KDR: variants seen among roughly 807,000 people sequenced by gnomAD.
KDR encodes the protein kinase insert domain receptor.
A neutral mutation model predicts 160.9 loss-of-function variants in KDR; 43 were observed. That is an observed-to-expected ratio of 0.27 (90% CI 0.21 to 0.34). The LOEUF is 0.34. Ranked by LOEUF, KDR falls within the 10% of genes least tolerant of loss-of-function variation. The probability of loss-of-function intolerance (pLI) is 1.00; values close to 1 mark genes in which losing one functional copy is unlikely to be tolerated. For synonymous variants in KDR, 617 were observed against 600.1 expected, an observed-to-expected ratio of 1.03 and a Z score of -0.41; for missense variants, 1,469 against 1,666.4, an observed-to-expected ratio of 0.88 and a Z score of 2.06.
At chr4:55,086,420 G>A (rs1010145274) in intron 27 of KDR, among the ~76,000 whole-genome samples, 8 of 152,132 alleles carry the variant, frequency 5.3e-5, no homozygotes, top group African/African-American at 1.9e-4. Context: ...CAGACTTGGG[G>A]GTCCTACTCA....
In KDR at chr4:55,105,848, G is replaced by C. The variant is rs150270342; in HGVS notation, c.1629C>G (p.Ile543Met). The C allele has an allele frequency of 1.9e-6, 3 of 1,608,456 alleles. No individual in the cohort carries two copies. In the African/African-American group the frequency reaches 4.0e-5, roughly 21 times the overall value. ...VNKVGRGERVISFHVTRGPEI... is the reference protein window; with the variant it reads ...VNKVGRGERVMSFHVTRGPEI... Reference sequence around the variant, plus strand: ...AGTACTTACTGGTCACGTGGAAGGAGATCACCCTCTCTCCTCTCCCGACTT... The same window carrying C: ...AGTACTTACTGGTCACGTGGAAGGACATCACCCTCTCTCCTCTCCCGACTT... Residue 543 changes from isoleucine (I) to methionine (M), a missense_variant, in exon 12 of 30, where the codon ATC becomes ATG. By Grantham distance (10) the Ile-to-Met change is conservative. Transcript: ENST00000263923.
chr4:55,112,113 C>T (rs1221549353), intron 7 of KDR, among the ~76,000 whole-genome samples: 2 of 152,150 alleles, frequency 1.3e-5, no homozygotes, highest in Non-Finnish European at 2.9e-5. Flanking sequence ...AGGTGATTTT[C>T]TCAAGGCCAG....
rs1308888714 is a variant in KDR at position 55,087,733 on chromosome 4, G to A, written c.3536C>T (p.Pro1179Leu). The A allele has an allele frequency of 4.0e-5, 64 of 1,613,974 alleles. No individual in the cohort carries two copies. Among genetic ancestry groups the A allele is most frequent in the East Asian group, 8.9e-5 (4 of 44,890 alleles). Reference protein sequence around the residue: ...QQDGKDYIVLPISETLSMEED... With the variant: ...QQDGKDYIVLLISETLSMEED... ...TTCCATGCTCAAAGTCTCTGATATC[G>A]GAAGAACAATGTAGTCTTTGCCATC... The change falls in exon 27 of 30, where the codon CCG (proline) becomes CTG (leucine). Residue 1179 changes from proline to leucine, a missense_variant. This residue lies in a region of KDR where 132 missense variants were observed against 195.9 expected (regional missense o/e 0.67). Transcript: ENST00000263923.
At chr4:55,090,879 A>C (rs956122763) in intron 22 of KDR, among the ~76,000 whole-genome samples, 2 of 125,702 alleles carry the variant, frequency 1.6e-5, no homozygotes, top group African/African-American at 6.1e-5. Context: ...TTTTTTGAGA[A>C]GGAATCTCAC....
chr4:55,125,107 G>T, intron 1 of KDR, 120 bp downstream of exon 1: 1 of 954,006 alleles, frequency 1.0e-6, no homozygotes, highest in South Asian at 1.4e-5. Flanking sequence ...ATGAAAGATC[G>T]CAAAATGTCA....
Position 55,098,687 on chromosome 4 carries a change from ATT to A in KDR, c.2373+8_2373+9del. On this transcript the variant is annotated splice_region_variant and intron_variant, in intron 16 of 29. Transcript: ENST00000263923. ...AATGTGCATGGGCAGAAGGGAAATT[ATT>A]TTTTTACCCGCTTAACGGTCCGTAG... 1 of 1,601,736 alleles carries A rather than the reference ATT, an allele frequency of 6.2e-7. No homozygotes were observed. Among genetic ancestry groups the A allele is most frequent in the Non-Finnish European group, 8.6e-7 (1 of 1,169,010 alleles).
intron 21 of KDR, among the ~76,000 whole-genome samples, chr4:55,094,158 G>A (rs545227205): frequency 6.6e-6 from 1 of 152,166 alleles, no homozygotes; most frequent in South Asian, 2.1e-4. Context: ...TCAGTGAGCC[G>A]AGATCGCACC....
At chr4:55,103,720 C>T (rs1414134115) in intron 13 of KDR, among the ~76,000 whole-genome samples, 1 of 151,978 alleles carries the variant, frequency 6.6e-6, no homozygotes, top group Non-Finnish European at 1.5e-5. Flanking sequence ...CTGATGAAGA[C>T]GTTACCCTCT....
chr4:55,080,187 G>A, intron 29 of KDR, 24 bp from the exon 30 acceptor site: 1 of 1,603,140 alleles, frequency 6.2e-7, no homozygotes, highest in Non-Finnish European at 8.5e-7. Flanking sequence ...GGCAAACAAA[G>A]GAGTTGGCAG....
rs976342802 is a variant in KDR, at chr4:55,113,167, G to A, written c.976+137C>T. 6 of 891,376 alleles carry A rather than the reference G, an allele frequency of 6.7e-6. No homozygotes were observed. In the Admixed American group the frequency reaches 7.9e-5, roughly 12 times the overall value. 55.2% of individuals were successfully genotyped at this position (891,376 alleles called of 1,614,324 possible). A position where few individuals can be genotyped will look rare whatever the true frequency, so the allele number is the denominator to read the frequency against. ...TACAAAGCTATGCTCTTGACCTCTAGGTCATGTGGCCTCCCTAACAAGAAA... is the reference window on the plus strand; with the variant it reads ...TACAAAGCTATGCTCTTGACCTCTAAGTCATGTGGCCTCCCTAACAAGAAA... On this transcript the variant is annotated intron_variant, in intron 7 of 29. Transcript: ENST00000263923.
chr4:55,084,678 A>G (rs1031952133), intron 27 of KDR, among the ~76,000 whole-genome samples: 1 of 152,222 alleles, frequency 6.6e-6, no homozygotes, highest in African/African-American at 2.4e-5. Context: ...TTCAGACACT[A>G]AAGCCCATGT....
intron 7 of KDR, 68 bp downstream of exon 7, chr4:55,113,236 G>C: frequency 6.6e-7 from 1 of 1,515,592 alleles, no homozygotes; most frequent in Non-Finnish European, 9.2e-7. Context: ...GAATCACTAA[G>C]TGACCTAAAT....
At chr4:55,108,533 C>T (rs1720498072) in intron 9 of KDR, among the ~76,000 whole-genome samples, 1 of 152,146 alleles carries the variant, frequency 6.6e-6, no homozygotes, top group African/African-American at 2.4e-5. Context: ...AAATGACTCG[C>T]CCAAGGTCAC....
chr4:55,097,111 C>A (rs1314948959), intron 18 of KDR, among the ~76,000 whole-genome samples: 2 of 152,078 alleles, frequency 1.3e-5, no homozygotes, highest in Non-Finnish European at 2.9e-5. Flanking sequence ...AATGGCCAGA[C>A]CAGAATTCCG....
In KDR at chr4:55,090,098, T is replaced by C; in HGVS notation, c.3070-20A>G. ...GATACACTGCAAAGAGAATCATGTG[T>C]GCATTAGGTCTCGGCACAGCTGATC... On this transcript the variant is annotated intron_variant, in intron 22 of 29. Transcript: ENST00000263923. 6.2e-7 allele frequency: 1 copy of C among 1,613,752 alleles called. No homozygotes were observed. Among genetic ancestry groups the C allele is most frequent in the Non-Finnish European group, 8.5e-7 (1 of 1,179,802 alleles).
chr4:55,107,996 T>G lies in KDR; in HGVS notation c.1256-103A>C. On this transcript the variant is annotated intron_variant, in intron 9 of 29. Transcript: ENST00000263923. ...CTGACTTTCTTTAAGCATATGATTT[T>G]GCTTCCACTTTCTTTTTCGAAGAAC... is the stretch of plus-strand genomic sequence containing the variant. The G allele has an allele frequency of 3.8e-6, 5 of 1,324,902 alleles. No individual in the cohort carries two copies. In the South Asian group the frequency reaches 6.0e-5, roughly 16 times the overall value. 82.1% of individuals were successfully genotyped at this position (1,324,902 alleles called of 1,614,324 possible).
At chr4:55,089,351 A>T (rs201876612) in intron 25 of KDR, 23 bp downstream of exon 25, 1 of 1,530,498 alleles carries the variant, frequency 6.5e-7, no homozygotes, top group South Asian at 1.1e-5. Context: ...AAGAGAACAC[A>T]GGAATACTTC....
At chr4:55,113,504 C>T (rs887755119) in intron 6 of KDR, 23 bp from the exon 7 acceptor site, 22 of 1,610,366 alleles carry the variant, frequency 1.4e-5, no homozygotes, top group Non-Finnish European at 1.9e-5. Context: ...GTTGACTGAA[C>T]TTCCAAAGCA....
chr4:55,123,255 C>T (rs1263579647), intron 1 of KDR, among the ~76,000 whole-genome samples: 2 of 152,114 alleles, frequency 1.3e-5, no homozygotes, highest in Non-Finnish European at 2.9e-5. Context: ...GAGAAAGATG[C>T]TGAAAACATG....
Sources: allele counts gnomAD v4.1 joint callset (sites outside exome capture counted in the v4.1 genomes callset), GRCh38; gene constraint gnomAD v4.1.1; regional missense constraint gnomAD v4.1.1; transcripts MANE v1.5; gene names NCBI Gene and HGNC (gene_info 2026-07-23, HGNC 2026-07-21).